CYB5RL: variants seen among roughly 807,000 people sequenced by gnomAD.
CYB5RL encodes the protein cytochrome b5 reductase like.
A neutral mutation model predicts 37.5 loss-of-function variants in CYB5RL; 38 were observed. That is an observed-to-expected ratio of 1.01 (90% CI 0.78 to 1.33). The LOEUF is 1.33. Ranked by LOEUF, CYB5RL falls within the 40% of genes most tolerant of loss-of-function variation. The pLI is 0.00. For synonymous variants in CYB5RL, 141 were observed against 151.9 expected, an observed-to-expected ratio of 0.93 and a Z score of 0.53; for missense variants, 388 against 394.4, an observed-to-expected ratio of 0.98 and a Z score of 0.14.
intron 6 of CYB5RL, among the ~76,000 whole-genome samples, chr1:54,182,816 G>C (rs1025143651): frequency 6.6e-6 from 1 of 152,206 alleles, no homozygotes; most frequent in Non-Finnish European, 1.5e-5. Context: ...GCCTCCCAAA[G>C]TGCTGGGATT....
At chr1:54,183,739 G>A (rs1384372664) in intron 6 of CYB5RL, among the ~76,000 whole-genome samples, 1 of 152,178 alleles carries the variant, frequency 6.6e-6, no homozygotes, top group African/African-American at 2.4e-5. Flanking sequence ...ACTTTGGGAG[G>A]CTGAGGCGGG....
Position 54,180,948 on chromosome 1 carries a change from T to C in CYB5RL, c.541-1596A>G, listed in dbSNP as rs564553278. ...GGAGGATCGCTTGAGCCCAGGAGGT[T>C]GGGGCTGTAGTGAACCATGATCATG... On this transcript the variant is annotated intron_variant, in intron 6 of 7. Coordinates refer to ENST00000534324, the MANE Select transcript of CYB5RL (RefSeq NM_001031672.4). Among the ~76,000 whole-genome samples the C allele has an allele frequency of 2.6e-5, 4 of 151,652 alleles. No individual in the cohort carries two copies. The South Asian group carries it at 8.4e-4, about 32-fold the overall frequency.
Position 54,184,219 on chromosome 1 carries a change from A to G in CYB5RL, c.482T>C (p.Val161Ala), listed in dbSNP as rs1419259873. The G allele has an allele frequency of 2.5e-6, 4 of 1,613,466 alleles. No individual in the cohort carries two copies. Among genetic ancestry groups the G allele is most frequent in the African/African-American group, 1.3e-5 (1 of 74,836 alleles). ...TCCTCGCCAGAAAGCTGTGTCTCCT[A>G]CTCTCCAGGACTCAACATACCGGGA... ...LMSRYVESWR[V>A]GDTAFWRGPF... is the part of the protein sequence containing the mutation. Residue 161 changes from valine to alanine, a missense_variant, in exon 6 of 8, where the codon GTA becomes GCA. By Grantham distance (64) the Val-to-Ala change is moderately conservative (BLOSUM62 0). Transcript: ENST00000534324.
In CYB5RL at chr1:54,170,688, G is replaced by A. The variant is rs1219270543; in HGVS notation, c.*3931C>T. 5.2e-6 allele frequency: 1 copy of A among 192,704 alleles called. No individual in the cohort carries two copies. Among genetic ancestry groups the A allele is most frequent in the African/African-American group, 2.3e-5 (1 of 43,502 alleles). 11.9% of individuals were successfully genotyped at this position (192,704 alleles called of 1,614,324 possible). ...GGCCTCCCAAAGTGCTGGGATTACA[G>A]GTGTGAGCCACCGCGCCCGGCCCAG... On this transcript the variant is annotated 3_prime_UTR_variant, in exon 8 of 8. Coordinates refer to ENST00000534324, the MANE Select transcript of CYB5RL (RefSeq NM_001031672.4).
intron 4 of CYB5RL, among the ~76,000 whole-genome samples, chr1:54,188,629 T>C (rs1430801299): frequency 6.6e-6 from 1 of 152,198 alleles, no homozygotes; most frequent in Non-Finnish European, 1.5e-5. Flanking sequence ...CATTATCTCA[T>C]TTAACTCAAA....
intron 6 of CYB5RL, chr1:54,180,199 T>G: frequency 2.5e-6 from 1 of 403,020 alleles, no homozygotes; most frequent in Non-Finnish European, 4.7e-6. Context: ...ATCATGCCAC[T>G]GCACTCCAGC....
At chr1:54,199,773 G>T (rs1397275265) in intron 1 of CYB5RL, among the ~76,000 whole-genome samples, 1 of 152,226 alleles carries the variant, frequency 6.6e-6, no homozygotes, top group Admixed American at 6.5e-5. Flanking sequence ...TCAGGAGAGG[G>T]ACAGAGCGAC....
Position 54,174,564 on chromosome 1 carries a change from C to T in CYB5RL, c.*55G>A, listed in dbSNP as rs755886673. 2.1e-5 allele frequency: 32 copies of T among 1,553,262 alleles called. No individual in the cohort carries two copies. Among genetic ancestry groups the T allele is most frequent in the Non-Finnish European group, 2.6e-5 (30 of 1,147,178 alleles). ...TGTCTTCTGATTCCAGTCTGTGCTC[C>T]TTCCTGGGTCCCAGTAGCAGGCTCA... On this transcript the variant is annotated 3_prime_UTR_variant, in exon 8 of 8. Coordinates refer to ENST00000534324, the MANE Select transcript of CYB5RL (RefSeq NM_001031672.4).
chr1:54,181,489 T>C (rs1043974700), intron 6 of CYB5RL, among the ~76,000 whole-genome samples: 3 of 152,210 alleles, frequency 2.0e-5, no homozygotes, highest in Admixed American at 6.5e-5. Flanking sequence ...TATCCATCTG[T>C]AACGAAGACG....
At position 54,181,778 on chromosome 1, in the gene CYB5RL, C is replaced by A. The variant is rs560413025; in HGVS notation, c.540+2383G>T. Among the ~76,000 whole-genome samples, 193 of 152,282 alleles carry A rather than the reference C, an allele frequency of 1.3e-3. 3 individuals are homozygous for A. The highest frequency in any genetic ancestry group is 4.4e-3 in the African/African-American group (181 of 41,564). On this transcript the variant is annotated intron_variant, in intron 6 of 7. Coordinates refer to ENST00000534324, the MANE Select transcript of CYB5RL (RefSeq NM_001031672.4). ...ACCAGCCTGGGCAACATGGTGAAAT[C>A]CTGTGTCTACAAAAAAATACAAAAC...
In CYB5RL at chr1:54,187,803, C is replaced by T. The variant is rs72908062; in HGVS notation, c.348-64G>A. The T allele has an allele frequency of 2.9e-3, 4,135 of 1,442,544 alleles. 108 individuals carry two copies. The African/African-American group carries it at 0.049, about 17-fold the overall frequency. The allele number at this position is 1,442,544 out of a possible 1,614,324, so 89.4% of individuals were successfully genotyped here. A position where few individuals can be genotyped will look rare whatever the true frequency, so the allele number is the denominator to read the frequency against. On this transcript the variant is annotated intron_variant, in intron 4 of 7. Transcript: ENST00000534324. ...CAGCAAACCCTTTTAAGGCTGGGCA[C>T]GGTGGCTCATGTCTGTAATCCCCAC...
intron 7 of CYB5RL, among the ~76,000 whole-genome samples, chr1:54,176,454 C>T (rs1660022273): frequency 6.6e-6 from 1 of 152,190 alleles, no homozygotes; most frequent in South Asian, 2.1e-4. Context: ...TCATCTAAGC[C>T]CAGGGAGGTT....
intron 3 of CYB5RL, among the ~76,000 whole-genome samples, chr1:54,194,029 G>GATGATAATA (rs1643982133): frequency 6.9e-6 from 1 of 144,328 alleles, no homozygotes; most frequent in African/African-American, 2.6e-5. Context: ...TAATAATAAT[G>GATGATAATA]ATAATAATAA....
At chr1:54,195,380 G>T (rs1205560125) in intron 3 of CYB5RL, 39 bp downstream of exon 3, 6 of 1,519,528 alleles carry the variant, frequency 3.9e-6, no homozygotes, top group Admixed American at 3.9e-5. Flanking sequence ...CAAGTAGATT[G>T]TTGCCCTGGT....
rs759816063 is a variant in CYB5RL, at chr1:54,195,400, G to A, written c.198+19C>T. Reference sequence around the variant, plus strand: ...AGATTGTTGCCCTGGTGCTCATATCGAGAAGCAGCCTCTCTCACCTGTGAC... The same window carrying A: ...AGATTGTTGCCCTGGTGCTCATATCAAGAAGCAGCCTCTCTCACCTGTGAC... On this transcript the variant is annotated intron_variant, in intron 3 of 7. Transcript: ENST00000534324. 6.4e-7 allele frequency: 1 copy of A among 1,556,084 alleles called. No homozygotes were observed. Among genetic ancestry groups the A allele is most frequent in the South Asian group, 1.2e-5 (1 of 83,226 alleles).
At chr1:54,175,434 C>G (rs1659997325) in intron 7 of CYB5RL, 1 of 288,126 alleles carries the variant, frequency 3.5e-6, no homozygotes, top group African/African-American at 2.2e-5. Context: ...GACGGTGACC[C>G]CACGGACCCA....
At chr1:54,178,585 G>A (rs1570099447) in intron 7 of CYB5RL, among the ~76,000 whole-genome samples, 1 of 152,144 alleles carries the variant, frequency 6.6e-6, no homozygotes. Flanking sequence ...CAGCTACGGC[G>A]GGGTCCTCCT....
At chr1:54,192,562 C>T (rs775862011) in intron 3 of CYB5RL, among the ~76,000 whole-genome samples, 2 of 152,140 alleles carry the variant, frequency 1.3e-5, no homozygotes, top group African/African-American at 2.4e-5. Context: ...ATTTACTGAG[C>T]ATCTACCATG....
intron 3 of CYB5RL, 39 bp from the exon 4 acceptor site, chr1:54,190,935 T>G (rs747427943): frequency 6.3e-7 from 1 of 1,597,326 alleles, no homozygotes; most frequent in Non-Finnish European, 8.5e-7. Flanking sequence ...AGGCCGGGGC[T>G]CCACAGACAC....
Sources: gnomAD v4.1 joint callset for allele counts (sites outside exome capture counted in the v4.1 genomes callset) on GRCh38, gnomAD v4.1.1 for gene constraint, MANE v1.5 for transcripts, NCBI Gene and HGNC (gene_info 2026-07-23, HGNC 2026-07-21) for gene names.